The following MAD1L1 variants were observed in gnomAD, a reference collection of about 807,000 sequenced individuals.
MAD1L1 encodes mitotic arrest deficient 1 like 1.
Under a neutral mutation model 96.9 loss-of-function variants are expected in MAD1L1, and 95 were observed. That is an observed-to-expected ratio of 0.98 (90% CI 0.83 to 1.16). MAD1L1 has a LOEUF of 1.16. Ranked by LOEUF, MAD1L1 falls within the 50% of genes most tolerant of loss-of-function variation. The pLI is 0.00. For synonymous variants in MAD1L1, 473 were observed against 396.6 expected (o/e 1.19, Z -2.29); for missense variants, 1,007 against 954.4 (o/e 1.06, Z -0.73).
intron 10 of MAD1L1, among the ~76,000 whole-genome samples, chr7:2,170,495 G>A (rs994772121): frequency 4.6e-5 from 7 of 152,184 alleles, no homozygotes; most frequent in African/African-American, 1.7e-4. Context: ...ACAGAGAAGC[G>A]GGAGAGCCAG....
chr7:2,072,576 C>G lies in MAD1L1; in HGVS notation c.1074-3238G>C, dbSNP rs79831665. On this transcript the variant is annotated intron_variant, in intron 11 of 18. Transcript: ENST00000265854. ...TAATACTCAAGGGCTGTAAAATCTA[C>G]TCTTGAATCACTGAATTCAGGTGGG... 9.6e-3 allele frequency among the ~76,000 whole-genome samples: 1,456 copies of G among 152,360 alleles called. 24 individuals carry two copies. Among genetic ancestry groups the G allele is most frequent in the African/African-American group, 0.033 (1,367 of 41,582 alleles).
chr7:1,926,924 C>A (rs546573473), intron 17 of MAD1L1, among the ~76,000 whole-genome samples: 1 of 152,134 alleles, frequency 6.6e-6, no homozygotes, highest in Middle Eastern at 3.2e-3. Flanking sequence ...TGGATCTTAA[C>A]AAAATAAGCA....
chr7:2,016,827 T>C (rs1192741401), intron 12 of MAD1L1, among the ~76,000 whole-genome samples: 1 of 152,268 alleles, frequency 6.6e-6, no homozygotes, highest in Non-Finnish European at 1.5e-5. Flanking sequence ...TGTGGAAAAT[T>C]TGTTTGCACA....
intron 12 of MAD1L1, among the ~76,000 whole-genome samples, chr7:2,018,902 G>C (rs1403301588): frequency 1.3e-5 from 2 of 152,048 alleles, no homozygotes; most frequent in African/African-American, 2.4e-5. Flanking sequence ...TTCTCTGCAG[G>C]GCCTCTTCCC....
chr7:1,962,071 G>A (rs537101022), intron 15 of MAD1L1, among the ~76,000 whole-genome samples: 59 of 152,142 alleles, frequency 3.9e-4, no homozygotes, highest in African/African-American at 1.3e-3. Context: ...CACGTGTTGT[G>A]GGAGTGATGT....
At chr7:2,033,919 C>A (rs1783346664) in intron 12 of MAD1L1, among the ~76,000 whole-genome samples, 1 of 152,146 alleles carries the variant, frequency 6.6e-6, no homozygotes. Flanking sequence ...AGTGAGACCC[C>A]ATCTCTACAA....
At chr7:1,847,330 T>G (rs535858237) in intron 18 of MAD1L1, 2 of 470,958 alleles carry the variant, frequency 4.2e-6, no homozygotes, top group Non-Finnish European at 8.8e-6. Flanking sequence ...AAACCAGGCA[T>G]GGCAGGCGGT....
chr7:1,929,545 T>C (rs1414856300), intron 17 of MAD1L1, among the ~76,000 whole-genome samples: 1 of 152,138 alleles, frequency 6.6e-6, no homozygotes, highest in Non-Finnish European at 1.5e-5. Flanking sequence ...AGGGTGTTCC[T>C]GCCTGAACTT....
intron 18 of MAD1L1, among the ~76,000 whole-genome samples, chr7:1,842,648 T>C (rs750801481): frequency 5.9e-5 from 9 of 152,252 alleles, no homozygotes; most frequent in Non-Finnish European, 1.0e-4. Flanking sequence ...GCCTTCGTCC[T>C]TCGTCCATCG....
At chr7:2,071,174 T>G (rs1785108450) in intron 11 of MAD1L1, among the ~76,000 whole-genome samples, 1 of 152,084 alleles carries the variant, frequency 6.6e-6, no homozygotes, top group African/African-American at 2.4e-5. Flanking sequence ...TGGACTCATG[T>G]TTGAGTGAAG....
In MAD1L1 at chr7:1,815,929, G is replaced by A; in HGVS notation, c.*141C>T. The A allele has an allele frequency of 9.8e-7, 1 of 1,015,272 alleles. No homozygotes were observed. The highest frequency in any genetic ancestry group is 1.7e-5 in the South Asian group (1 of 58,770). 62.9% of individuals were successfully genotyped at this position (1,015,272 alleles called of 1,614,324 possible). A position where few individuals can be genotyped will look rare whatever the true frequency, so the allele number is the denominator to read the frequency against. On this transcript the variant is annotated 3_prime_UTR_variant, in exon 19 of 19. Coordinates refer to ENST00000265854, the MANE Select transcript of MAD1L1 (RefSeq NM_001013836.2). ...CGCCCCAGCAGGAAGCCCGACGTAG[G>A]TCCCAGCGTGTCTGTCAGTCATGCT...
intron 17 of MAD1L1, among the ~76,000 whole-genome samples, chr7:1,908,407 G>A (rs749229446): frequency 6.6e-6 from 1 of 152,028 alleles, no homozygotes; most frequent in Non-Finnish European, 1.5e-5. Flanking sequence ...TTTGAGACAG[G>A]GTCTCACTCT....
At chr7:2,168,113 C>T (rs1790526469) in intron 10 of MAD1L1, among the ~76,000 whole-genome samples, 3 of 152,048 alleles carry the variant, frequency 2.0e-5, no homozygotes, top group East Asian at 3.9e-4. Flanking sequence ...GGCGAAACCC[C>T]ATCTCTACTA....
At chr7:1,900,935 TCA>T (rs1162730055) in intron 17 of MAD1L1, among the ~76,000 whole-genome samples, 1 of 152,062 alleles carries the variant, frequency 6.6e-6, no homozygotes, top group Non-Finnish European at 1.5e-5. Context: ...GGGCCCCCTC[TCA>T]GAGGCGAGAC....
At chr7:1,948,132 T>G (rs552583621) in intron 16 of MAD1L1, among the ~76,000 whole-genome samples, 1 of 152,096 alleles carries the variant, frequency 6.6e-6, no homozygotes, top group African/African-American at 2.4e-5. Context: ...CTGGGGCACC[T>G]GCAGGGGGCG....
chr7:1,975,888 G>A (rs949255212), intron 15 of MAD1L1, among the ~76,000 whole-genome samples: 1 of 152,196 alleles, frequency 6.6e-6, no homozygotes, highest in Non-Finnish European at 1.5e-5. Flanking sequence ...GGCACAGATA[G>A]GCAAGCCTCT....
chr7:1,887,359 G>A (rs1374026117), intron 18 of MAD1L1, among the ~76,000 whole-genome samples: 5 of 151,730 alleles, frequency 3.3e-5, no homozygotes, highest in Non-Finnish European at 7.4e-5. Context: ...GAGCATGCAT[G>A]TGTGTGGGTG....
chr7:1,898,383 C>A lies in MAD1L1; in HGVS notation c.1815G>T (p.Lys605Asn). 6.2e-7 allele frequency: 1 copy of A among 1,613,862 alleles called. No individual in the cohort carries two copies. The highest frequency in any genetic ancestry group is 8.5e-7 in the Non-Finnish European group (1 of 1,179,934). ...TCAGCTCGGCACTCTCCACCTGCTT[C>A]TTCAGCTCTGCGGGAGGGACGGAAG... ...LPSSKEVAEL[K>N]KQVESAELKN... The change falls in exon 18 of 19, where the codon AAG becomes AAT. Residue 605 changes from lysine (K) to asparagine (N), a missense_variant. Transcript: ENST00000265854.
intron 17 of MAD1L1, 52 bp downstream of exon 17, chr7:1,936,635 C>T: frequency 6.6e-7 from 1 of 1,518,092 alleles, no homozygotes; most frequent in African/African-American, 1.4e-5. Flanking sequence ...CACGGATGGA[C>T]CTACCCACGG....
Sources: allele counts gnomAD v4.1 joint callset (sites outside exome capture counted in the v4.1 genomes callset), GRCh38; gene constraint gnomAD v4.1.1; transcripts MANE v1.5; gene names NCBI Gene and HGNC (gene_info 2026-07-23, HGNC 2026-07-21).